Variants in CYSLTR2 observed in about 807,000 individuals in gnomAD.
CYSLTR2 encodes cysteinyl leukotriene receptor 2, also known as G-protein coupled receptor GPCR21.
For missense variants in CYSLTR2, 398 were observed against 411.9 expected, an observed-to-expected ratio of 0.97 and a Z score of 0.29; for synonymous variants, 179 against 160.8, an observed-to-expected ratio of 1.11 and a Z score of -0.86.
chr13:48,683,017 A>G (rs1196474616), intron 1 of CYSLTR2, among the ~76,000 whole-genome samples: 9 of 152,132 alleles, frequency 5.9e-5, no homozygotes, highest in Non-Finnish European at 1.3e-4. Context: ...GCTAAGGATA[A>G]TGGCCCCCAG....
chr13:48,663,355 C>CTT (rs1555255054), intron 1 of CYSLTR2, among the ~76,000 whole-genome samples: 3 of 151,840 alleles, frequency 2.0e-5, no homozygotes, highest in Non-Finnish European at 4.4e-5. Context: ...AAGTTTAGAA[C>CTT]TTTTTTCTAT....
intron 4 of CYSLTR2, among the ~76,000 whole-genome samples, chr13:48,705,759 T>C (rs1305078027): frequency 6.6e-6 from 1 of 151,022 alleles, no homozygotes; most frequent in East Asian, 1.9e-4. Flanking sequence ...ATCTCAATAA[T>C]TCCTCTACAT....
At chr13:48,685,067 G>A (rs9591193) in intron 1 of CYSLTR2, among the ~76,000 whole-genome samples, 15,156 of 152,118 alleles carry the variant, frequency 0.1, 1,337 homozygotes, top group African/African-American at 0.24. Flanking sequence ...AAATACCTGA[G>A]ACTGGGTAAT....
chr13:48,706,232 G>A (rs1447488135), intron 4 of CYSLTR2, among the ~76,000 whole-genome samples: 1 of 152,088 alleles, frequency 6.6e-6, no homozygotes, highest in Non-Finnish European at 1.5e-5. Flanking sequence ...CTGACCTCAG[G>A]TGATCTGCCA....
chr13:48,659,041 G>A (rs535358418), intron 1 of CYSLTR2, among the ~76,000 whole-genome samples: 1 of 152,066 alleles, frequency 6.6e-6, no homozygotes, highest in African/African-American at 2.4e-5. Flanking sequence ...TACTAGGCCG[G>A]TCTTGAGCTG....
chr13:48,670,819 T>A lies in CYSLTR2; in HGVS notation c.-266+16802T>A, dbSNP rs561574585. Among the ~76,000 whole-genome samples the A allele has an allele frequency of 3.3e-5, 5 of 152,318 alleles. No individual in the cohort carries two copies. In the South Asian group the frequency reaches 1.0e-3, roughly 32 times the overall value. On this transcript the variant is annotated intron_variant, in intron 1 of 4. Transcript: ENST00000682523. ...GTTTTTTCTAATTATTTGAAAAAAG[T>A]CAGTGGTAGCTTGATGGGGATAGCA...
intron 4 of CYSLTR2, among the ~76,000 whole-genome samples, chr13:48,697,979 A>C (rs1014516201): frequency 6.6e-6 from 1 of 152,180 alleles, no homozygotes; most frequent in African/African-American, 2.4e-5. Context: ...AAAAAAGTAA[A>C]AAGAAATGAA....
intron 1 of CYSLTR2, among the ~76,000 whole-genome samples, chr13:48,670,917 ATG>A: frequency 6.6e-6 from 1 of 152,278 alleles, no homozygotes; most frequent in Non-Finnish European, 1.5e-5. Flanking sequence ...TGAGCATGGA[ATG>A]TTCTTCCATT....
intron 1 of CYSLTR2, among the ~76,000 whole-genome samples, chr13:48,682,723 A>AT (rs1257073485): frequency 2.0e-5 from 3 of 152,044 alleles, no homozygotes; most frequent in Non-Finnish European, 2.9e-5. Flanking sequence ...TAGGGAACTA[A>AT]TTTTTTTTAC....
At chr13:48,700,287 C>G (rs1242153523) in intron 4 of CYSLTR2, among the ~76,000 whole-genome samples, 1 of 151,882 alleles carries the variant, frequency 6.6e-6, no homozygotes, top group Admixed American at 6.6e-5. Flanking sequence ...ACTGGCAAAC[C>G]AAATCCAGCA....
At chr13:48,671,597 T>G (rs1489790225) in intron 1 of CYSLTR2, among the ~76,000 whole-genome samples, 2 of 152,242 alleles carry the variant, frequency 1.3e-5, no homozygotes, top group Non-Finnish European at 2.9e-5. Context: ...TTGCGTATGT[T>G]GAACCAGCCT....
At chr13:48,657,357 C>T (rs967148722) in intron 1 of CYSLTR2, among the ~76,000 whole-genome samples, 5 of 152,054 alleles carry the variant, frequency 3.3e-5, no homozygotes, top group African/African-American at 4.8e-5. Context: ...ATTCCAAAGT[C>T]GGAAGGGTCC....
chr13:48,698,450 C>T (rs899588446), intron 4 of CYSLTR2, among the ~76,000 whole-genome samples: 1 of 152,100 alleles, frequency 6.6e-6, no homozygotes, highest in Non-Finnish European at 1.5e-5. Flanking sequence ...GAAATAAAAT[C>T]CTTTACAGAC....
At chr13:48,690,518 GT>G (rs1954010900) in intron 1 of CYSLTR2, among the ~76,000 whole-genome samples, 1 of 152,062 alleles carries the variant, frequency 6.6e-6, no homozygotes, top group African/African-American at 2.4e-5. Context: ...TATTCATGTG[GT>G]TTTTGTTATT....
chr13:48,693,309 G>T (rs891063256), intron 2 of CYSLTR2, 129 bp from the exon 3 acceptor site: 4 of 151,968 alleles, frequency 2.6e-5, no homozygotes, highest in African/African-American at 9.7e-5. Context: ...TGCCAAACAT[G>T]TAATCTTTTA....
intron 1 of CYSLTR2, among the ~76,000 whole-genome samples, chr13:48,688,621 C>T (rs543762930): frequency 4.6e-5 from 7 of 152,182 alleles, no homozygotes; most frequent in South Asian, 2.1e-4. Context: ...TATTCCATGG[C>T]GTATATGTGC....
intron 1 of CYSLTR2, among the ~76,000 whole-genome samples, chr13:48,672,798 A>C (rs1471437979): frequency 2.0e-5 from 3 of 151,652 alleles, no homozygotes; most frequent in Non-Finnish European, 4.4e-5. Context: ...TATTATTTTT[A>C]GTAGAGGCGG....
At position 48,694,476 on chromosome 13, in the gene CYSLTR2, G is replaced by T. The variant is rs9595968; in HGVS notation, c.-103+966G>T. On this transcript the variant is annotated intron_variant, in intron 3 of 4. Transcript: ENST00000682523. ...GACTAGATTTGCAATAAGTTTTACA[G>T]ACTAGAAAGACTCCAAGGATCTATT... Among the ~76,000 whole-genome samples the T allele has an allele frequency of 6.5e-3, 995 of 152,272 alleles. 8 individuals are homozygous for T. Among genetic ancestry groups the T allele is most frequent in the African/African-American group, 0.022 (912 of 41,554 alleles).
At chr13:48,672,267 T>A (rs2138856045) in intron 1 of CYSLTR2, among the ~76,000 whole-genome samples, 1 of 152,248 alleles carries the variant, frequency 6.6e-6, no homozygotes, top group African/African-American at 2.4e-5. Flanking sequence ...GTTTTTTGTG[T>A]CTCTATCTCT....
Sources: gnomAD v4.1 joint callset for allele counts (sites outside exome capture counted in the v4.1 genomes callset) on GRCh38, gnomAD v4.1.1 for gene constraint, MANE v1.5 for transcripts, NCBI Gene and HGNC (gene_info 2026-07-23, HGNC 2026-07-21) for gene names.